The following CNTNAP2 variants were observed in gnomAD, a reference collection of about 807,000 sequenced individuals.
The protein encoded by CNTNAP2 is contactin associated protein 2.
A neutral mutation model predicts 155.2 loss-of-function variants in CNTNAP2; 98 were observed. The ratio of observed to expected loss-of-function variants is 0.63; its 90% CI spans 0.54 to 0.75. CNTNAP2 has a LOEUF of 0.75. Among genes scored for constraint, CNTNAP2 ranks in the 30% least tolerant of loss-of-function variants. The pLI is 0.00. For synonymous variants in CNTNAP2, 651 were observed against 631.2 expected (o/e 1.03, Z -0.47); for missense variants, 1,727 against 1,688.1 (o/e 1.02, Z -0.40).
intron 14 of CNTNAP2, 72 bp from the exon 15 acceptor site, chr7:147,977,789 TA>T: frequency 6.3e-7 from 1 of 1,595,924 alleles, no homozygotes. Context: ...TTAGACAACG[TA>T]AGCAACTAGC....
At chr7:146,124,981 T>G (rs1797613956) in intron 1 of CNTNAP2, among the ~76,000 whole-genome samples, 2 of 152,208 alleles carry the variant, frequency 1.3e-5, no homozygotes, top group Admixed American at 1.3e-4. Context: ...TTATATATAT[T>G]GCCACCACCA....
intron 8 of CNTNAP2, among the ~76,000 whole-genome samples, chr7:147,216,767 G>A (rs1803278605): frequency 6.6e-6 from 1 of 151,854 alleles, no homozygotes; most frequent in Admixed American, 6.6e-5. Flanking sequence ...AGATTAAGTT[G>A]GAAAAAGCTG....
At chr7:146,320,466 G>A (rs865792475) in intron 1 of CNTNAP2, among the ~76,000 whole-genome samples, 5 of 152,200 alleles carry the variant, frequency 3.3e-5, no homozygotes, top group South Asian at 4.2e-4. Context: ...GAAGAAAATG[G>A]CACCAGACTA....
intron 1 of CNTNAP2, among the ~76,000 whole-genome samples, chr7:146,624,330 A>G (rs1459360224): frequency 1.3e-5 from 2 of 152,160 alleles, no homozygotes; most frequent in East Asian, 3.9e-4. Context: ...CTCTAAATCC[A>G]AGAGAAAATC....
At chr7:146,612,487 G>C (rs1300252717) in intron 1 of CNTNAP2, among the ~76,000 whole-genome samples, 1 of 151,898 alleles carries the variant, frequency 6.6e-6, no homozygotes, top group Non-Finnish European at 1.5e-5. Flanking sequence ...GAACAAAAAG[G>C]AGTATTTTTC....
At chr7:148,334,241 TG>T (rs973632843) in intron 21 of CNTNAP2, among the ~76,000 whole-genome samples, 1 of 152,136 alleles carries the variant, frequency 6.6e-6, no homozygotes, top group African/African-American at 2.4e-5. Context: ...TCGAGGAGGC[TG>T]TTTTCATGAG....
At chr7:146,387,856 A>G (rs1226486565) in intron 1 of CNTNAP2, among the ~76,000 whole-genome samples, 7 of 152,044 alleles carry the variant, frequency 4.6e-5, no homozygotes, top group Admixed American at 1.3e-4. Context: ...GAATTCCTTT[A>G]GTTTACCTTT....
intron 1 of CNTNAP2, among the ~76,000 whole-genome samples, chr7:146,343,540 C>T (rs1415898953): frequency 6.6e-6 from 1 of 152,034 alleles, no homozygotes; most frequent in Non-Finnish European, 1.5e-5. Flanking sequence ...AAAGAAATCA[C>T]CAACTTCAAT....
chr7:146,579,788 G>A (rs1798582826), intron 1 of CNTNAP2, among the ~76,000 whole-genome samples: 1 of 152,104 alleles, frequency 6.6e-6, no homozygotes, highest in African/African-American at 2.4e-5. Flanking sequence ...GTAAGTTTTG[G>A]TGCCTCAGTG....
intron 12 of CNTNAP2, among the ~76,000 whole-genome samples, chr7:147,617,412 A>G (rs1801313497): frequency 6.6e-6 from 1 of 152,198 alleles, no homozygotes; most frequent in African/African-American, 2.4e-5. Context: ...CCAGATCAGG[A>G]ACTTAATAAA....
Position 148,172,275 on chromosome 7 carries a change from G to A in CNTNAP2, c.2807G>A (p.Cys936Tyr). Reference protein sequence around the residue: ...GAGGQQGFLGCIRSLRMNGVT... With the variant: ...GAGGQQGFLGYIRSLRMNGVT... ...GGGGGCCAGCAGGGCTTCCTGGGCTGCATCCGCTCCTTGAGGATGAATGGG... is the reference window on the plus strand; with the variant it reads ...GGGGGCCAGCAGGGCTTCCTGGGCTACATCCGCTCCTTGAGGATGAATGGG... The change falls in exon 18 of 24, where the codon TGC becomes TAC. Residue 936 changes from cysteine (C) to tyrosine (Y), a missense_variant. Transcript: ENST00000361727. The A allele has an allele frequency of 6.2e-7, 1 of 1,614,082 alleles. No individual in the cohort carries two copies. Among genetic ancestry groups the A allele is most frequent in the East Asian group, 2.2e-5 (1 of 44,882 alleles).
At chr7:146,297,011 TAATAGAAAC>T (rs1055670539) in intron 1 of CNTNAP2, among the ~76,000 whole-genome samples, 4 of 151,822 alleles carry the variant, frequency 2.6e-5, no homozygotes, top group African/African-American at 7.3e-5. Flanking sequence ...GTTCTAATAT[TAATAGAAAC>T]AATAGAAACA....
intron 3 of CNTNAP2, among the ~76,000 whole-genome samples, chr7:146,846,836 G>A (rs986949792): frequency 6.6e-6 from 1 of 152,080 alleles, no homozygotes; most frequent in Admixed American, 6.6e-5. Flanking sequence ...CTTACAGGCT[G>A]TAAAATAACA....
intron 2 of CNTNAP2, among the ~76,000 whole-genome samples, chr7:146,779,990 C>T (rs1438012748): frequency 6.6e-6 from 1 of 152,082 alleles, no homozygotes; most frequent in Non-Finnish European, 1.5e-5. Flanking sequence ...TAAAAGACAC[C>T]ACTTTATACT....
intron 1 of CNTNAP2, among the ~76,000 whole-genome samples, chr7:146,595,175 G>C (rs1376962004): frequency 6.6e-6 from 1 of 151,956 alleles, no homozygotes; most frequent in Non-Finnish European, 1.5e-5. Flanking sequence ...GCATAACAAG[G>C]ATATTACTTG....
At chr7:147,075,862 A>G (rs1246320658) in intron 4 of CNTNAP2, among the ~76,000 whole-genome samples, 2 of 151,970 alleles carry the variant, frequency 1.3e-5, no homozygotes, top group Non-Finnish European at 1.5e-5. Flanking sequence ...ATTCCCATCT[A>G]TGAGTGAGAA....
Position 146,433,200 on chromosome 7 carries a change from T to A in CNTNAP2, c.97+316227T>A, listed in dbSNP as rs183217895. On this transcript the variant is annotated intron_variant, in intron 1 of 23. Transcript: ENST00000361727. Reference sequence around the variant, plus strand: ...TCTCTCTGCTAAATTGAATTTAGCATATTTGTTACAGGTGATCCCTGGGGC... The same window carrying A: ...TCTCTCTGCTAAATTGAATTTAGCAAATTTGTTACAGGTGATCCCTGGGGC... 4.2e-4 allele frequency among the ~76,000 whole-genome samples: 64 copies of A among 152,300 alleles called. 1 individual carries two copies. The South Asian group carries it at 0.013, about 31-fold the overall frequency.
chr7:147,442,030 C>T (rs1367652807), intron 10 of CNTNAP2, among the ~76,000 whole-genome samples: 2 of 152,088 alleles, frequency 1.3e-5, no homozygotes, highest in African/African-American at 4.8e-5. Context: ...GCCTATGTTT[C>T]CTCAAGGCCC....
intron 13 of CNTNAP2, among the ~76,000 whole-genome samples, chr7:147,885,395 G>T (rs1015874972): frequency 1.3e-5 from 2 of 152,172 alleles, no homozygotes; most frequent in Non-Finnish European, 2.9e-5. Context: ...GGAAGAAGTA[G>T]TAAATATCAT....
Sources: gnomAD v4.1 joint callset for allele counts (sites outside exome capture counted in the v4.1 genomes callset) on GRCh38, gnomAD v4.1.1 for gene constraint, MANE v1.5 for transcripts, NCBI Gene and HGNC (gene_info 2026-07-23, HGNC 2026-07-21) for gene names.